The following ADAMTS12 variants were observed in gnomAD, a reference collection of about 807,000 sequenced individuals.
ADAMTS12 encodes ADAM metallopeptidase with thrombospondin type 1 motif 12.
ADAMTS12 carries 118 observed loss-of-function variants against 167.8 expected under a neutral mutation model. That is an observed-to-expected ratio of 0.70 (90% confidence interval 0.61 to 0.82). The LOEUF (loss-of-function observed/expected upper bound fraction) is 0.82. Among genes scored for constraint, ADAMTS12 ranks in the 40% least tolerant of loss-of-function variants. ADAMTS12 has a pLI of 0.00. For missense variants in ADAMTS12, 1,916 were observed against 1,998.8 expected, an observed-to-expected ratio of 0.96 and a Z score of 0.79; for synonymous variants, 704 against 716.9, an observed-to-expected ratio of 0.98 and a Z score of 0.29.
At chr5:33,849,389 A>T (rs1749107599) in intron 2 of ADAMTS12, among the ~76,000 whole-genome samples, 2 of 144,466 alleles carry the variant, frequency 1.4e-5, no homozygotes, top group African/African-American at 5.1e-5. Context: ...ATTGCACAGC[A>T]ATATATATAT....
chr5:33,766,849 T>C (rs1457326140), intron 2 of ADAMTS12, among the ~76,000 whole-genome samples: 1 of 152,162 alleles, frequency 6.6e-6, no homozygotes, highest in Non-Finnish European at 1.5e-5. Context: ...ACAGACACTG[T>C]GGGAAAGTGA....
chr5:33,805,126 T>C (rs1747172277), intron 2 of ADAMTS12, among the ~76,000 whole-genome samples: 2 of 152,126 alleles, frequency 1.3e-5, no homozygotes, highest in South Asian at 2.1e-4. Context: ...AATTCTAAGA[T>C]TGATCAAGCT....
chr5:33,531,292 T>C (rs575382630), intron 23 of ADAMTS12, among the ~76,000 whole-genome samples: 78 of 152,340 alleles, frequency 5.1e-4, no homozygotes, highest in Admixed American at 1.6e-3. Flanking sequence ...ACCTAGTTTA[T>C]TATAATTTGT....
At chr5:33,530,465 C>G (rs1672110250) in intron 23 of ADAMTS12, among the ~76,000 whole-genome samples, 1 of 152,206 alleles carries the variant, frequency 6.6e-6, no homozygotes, top group Non-Finnish European at 1.5e-5. Context: ...CCAAGCATCA[C>G]AAAGCCGCCC....
chr5:33,863,511 G>C (rs1334431126), intron 2 of ADAMTS12, among the ~76,000 whole-genome samples: 2 of 152,082 alleles, frequency 1.3e-5, no homozygotes, highest in African/African-American at 2.4e-5. Flanking sequence ...TCTTCAAAGA[G>C]AACCACAAAC....
chr5:33,565,517 C>T (rs1349460300), intron 19 of ADAMTS12, among the ~76,000 whole-genome samples: 1 of 152,152 alleles, frequency 6.6e-6, no homozygotes, highest in African/African-American at 2.4e-5. Flanking sequence ...CAGGCCCTGT[C>T]ATGAGGGGGG....
intron 2 of ADAMTS12, among the ~76,000 whole-genome samples, chr5:33,794,315 G>C (rs1237937182): frequency 6.6e-6 from 1 of 152,214 alleles, no homozygotes; most frequent in Non-Finnish European, 1.5e-5. Context: ...TTCCTTCAGA[G>C]GGTCTGTGGG....
chr5:33,714,384 A>T (rs1357499989), intron 3 of ADAMTS12, among the ~76,000 whole-genome samples: 3 of 152,180 alleles, frequency 2.0e-5, no homozygotes, highest in African/African-American at 7.2e-5. Context: ...TATGGAAAAC[A>T]GTATAAGCGT....
intron 5 of ADAMTS12, among the ~76,000 whole-genome samples, chr5:33,666,331 C>T (rs1351834765): frequency 6.6e-6 from 1 of 152,208 alleles, no homozygotes; most frequent in Admixed American, 6.5e-5. Flanking sequence ...ACCTGGCAAC[C>T]TTCATTTACT....
At chr5:33,847,563 T>A (rs1748990725) in intron 2 of ADAMTS12, among the ~76,000 whole-genome samples, 1 of 150,632 alleles carries the variant, frequency 6.6e-6, no homozygotes, top group African/African-American at 2.5e-5. Context: ...ATGGAGATTG[T>A]GGTGAGCCGA....
intron 1 of ADAMTS12, among the ~76,000 whole-genome samples, chr5:33,890,981 A>AC (rs1174866718): frequency 6.6e-6 from 1 of 151,944 alleles, no homozygotes; most frequent in Non-Finnish European, 1.5e-5. Flanking sequence ...GGTACAATGA[A>AC]CCCCCCACCA....
chr5:33,630,375 G>A (rs1205142823), intron 13 of ADAMTS12, among the ~76,000 whole-genome samples: 1 of 152,164 alleles, frequency 6.6e-6, no homozygotes, highest in East Asian at 1.9e-4. Flanking sequence ...TCTCTGAGAA[G>A]CTCATGTTGA....
chr5:33,809,296 G>A (rs564792344), intron 2 of ADAMTS12, among the ~76,000 whole-genome samples: 1 of 152,220 alleles, frequency 6.6e-6, no homozygotes, highest in South Asian at 2.1e-4. Flanking sequence ...AGTTTGAGTA[G>A]CAAGAGTTTA....
intron 3 of ADAMTS12, among the ~76,000 whole-genome samples, chr5:33,733,731 G>A (rs1744273113): frequency 1.3e-5 from 2 of 152,118 alleles, no homozygotes; most frequent in Non-Finnish European, 1.5e-5. Flanking sequence ...AGGATCATAA[G>A]TGTCATTTTG....
At chr5:33,861,942 G>T (rs1303473359) in intron 2 of ADAMTS12, among the ~76,000 whole-genome samples, 1 of 152,046 alleles carries the variant, frequency 6.6e-6, no homozygotes, top group Non-Finnish European at 1.5e-5. Context: ...GGTAAATAAC[G>T]AAATAAAGGC....
At chr5:33,705,380 G>A (rs1408350025) in intron 3 of ADAMTS12, among the ~76,000 whole-genome samples, 4 of 151,532 alleles carry the variant, frequency 2.6e-5, no homozygotes, top group African/African-American at 9.7e-5. Context: ...TAAATGGATT[G>A]TTTTTTGCTG....
At chr5:33,584,587 C>T (rs2111993654) in intron 18 of ADAMTS12, among the ~76,000 whole-genome samples, 1 of 152,290 alleles carries the variant, frequency 6.6e-6, no homozygotes, top group South Asian at 2.1e-4. Flanking sequence ...AGACTTTTGT[C>T]TTCTTGTCTG....
At chr5:33,665,675 C>T (rs1392833490) in intron 5 of ADAMTS12, among the ~76,000 whole-genome samples, 1 of 152,110 alleles carries the variant, frequency 6.6e-6, no homozygotes, top group East Asian at 1.9e-4. Flanking sequence ...CTCTATTAAC[C>T]TCAATAGGGA....
At chr5:33,812,632 CTT>C (rs779928572) in intron 2 of ADAMTS12, among the ~76,000 whole-genome samples, 1 of 152,212 alleles carries the variant, frequency 6.6e-6, no homozygotes, top group Non-Finnish European at 1.5e-5. Flanking sequence ...AATATCAACT[CTT>C]GTGTTTGACT....
Sources: gnomAD v4.1 joint callset for allele counts (sites outside exome capture counted in the v4.1 genomes callset) on GRCh38, gnomAD v4.1.1 for gene constraint, MANE v1.5 for transcripts, NCBI Gene and HGNC (gene_info 2026-07-23, HGNC 2026-07-21) for gene names.